GDF1: variants seen among roughly 807,000 people sequenced by gnomAD.
GDF1 encodes the protein embryonic growth/differentiation factor 1.
A neutral mutation model predicts 7.4 loss-of-function variants in GDF1; 8 were observed. That is an observed-to-expected ratio of 1.09 (90% confidence interval 0.64 to 1.96). The LOEUF is 1.96. GDF1 is among the 30% of genes most tolerant of loss of function. GDF1 has a pLI of 0.00. For synonymous variants in GDF1, 311 were observed against 276.7 expected (o/e 1.12, Z -1.23); for missense variants, 574 against 551.5 (o/e 1.04, Z -0.41).
chr19:18,868,761 C>T lies in GDF1; in HGVS notation c.955G>A (p.Val319Met). The T allele has an allele frequency of 6.7e-7, 1 of 1,503,660 alleles. No homozygotes were observed. The highest frequency in any genetic ancestry group is 1.2e-5 in the South Asian group (1 of 81,940). The allele number at this position is 1,503,660 out of a possible 1,614,324, so 93.1% of individuals were successfully genotyped here. The change falls in exon 8 of 8, where the codon GTG (valine) becomes ATG (methionine). Residue 319 changes from valine to methionine, a missense_variant. Transcript: ENST00000247005. ...SGGPPALNHA[V>M]LRALMHAAAP... ...GCCGCGTGCATGAGCGCGCGCAGCA[C>T]AGCGTGGTTGAGCGCCGGCGGCCCC...
At chr19:18,876,339 GTTTGTTTTGGTTTGTCTTTTTTC>G (rs1449907494) in intron 6 of GDF1, among the ~76,000 whole-genome samples, 20 of 151,858 alleles carry the variant, frequency 1.3e-4, no homozygotes, top group African/African-American at 3.9e-4. Flanking sequence ...AAACTTTTTT[GTTTGTTTTGGTTTGTCTTTTTTC>G]TTTGTTTTGA....
At chr19:18,891,038 C>T (rs1002024465) in intron 2 of GDF1, among the ~76,000 whole-genome samples, 2 of 151,480 alleles carry the variant, frequency 1.3e-5, no homozygotes, top group Non-Finnish European at 2.9e-5. Context: ...GCAGGAGAAT[C>T]GCTTGAACCT....
At position 18,878,511 on chromosome 19, in the gene GDF1, T is replaced by C. The variant is rs4808870; in HGVS notation, c.-313+419A>G. The stretch of plus-strand genomic sequence containing the variant: ...CCAGATGGAGCCTGGGTTCTCTCTG[T>C]GGCCCTTGGCGTTCCTTCCTCCCCA... On this transcript the variant is annotated intron_variant, in intron 6 of 7. Transcript: ENST00000247005. This position sits in a 1 kb window ranked among gnomAD's most constrained non-coding sequence, Gnocchi z 4.6. 904,707 of 1,011,886 alleles carry C rather than the reference T, an allele frequency of 0.89. 404,873 individuals are homozygous for C. The highest frequency in any genetic ancestry group is 0.97 in the African/African-American group (56,112 of 57,922). 62.7% of individuals were successfully genotyped at this position (1,011,886 alleles called of 1,614,324 possible).
intron 2 of GDF1, among the ~76,000 whole-genome samples, chr19:18,890,735 C>T (rs946336514): frequency 2.3e-4 from 33 of 145,214 alleles, no homozygotes; most frequent in Admixed American, 4.5e-4. Context: ...GAGCTGTGAT[C>T]GTGCCACTGT....
At position 18,878,110 on chromosome 19, in the gene GDF1, G is replaced by A. The variant is rs1248525174; in HGVS notation, c.-313+820C>T. ...GAGCCACTGCTTCCCTGAAACCATC[G>A]TTCCCACGTCACCGATGGCCCCCAC... On this transcript the variant is annotated intron_variant, in intron 6 of 7. Coordinates refer to ENST00000247005, the MANE Select transcript of GDF1 (RefSeq NM_001492.6). The surrounding 1 kb of genome is among the most constrained non-coding windows in gnomAD (Gnocchi z 4.6). 6.1e-6 allele frequency: 6 copies of A among 985,378 alleles called. No homozygotes were observed. Among genetic ancestry groups the A allele is most frequent in the South Asian group, 4.7e-5 (1 of 21,278 alleles). 61.0% of individuals were successfully genotyped at this position (985,378 alleles called of 1,614,324 possible).
rs1188951005 is a variant in GDF1, at chr19:18,895,016, C to CA, written c.-1074+807dup. 6.6e-6 allele frequency among the ~76,000 whole-genome samples: 1 copy of CA among 152,218 alleles called. No homozygotes were observed. Among genetic ancestry groups the CA allele is most frequent in the Non-Finnish European group, 1.5e-5 (1 of 68,038 alleles). Reference sequence around the variant, plus strand: ...AGTGAGTGGGGTCAGGCGCCAATGTCACCATCATGGTCACTCTCTCGCAGG... The same window carrying CA: ...AGTGAGTGGGGTCAGGCGCCAATGTCAACCATCATGGTCACTCTCTCGCAGG... On this transcript the variant is annotated intron_variant, in intron 1 of 7. Coordinates refer to ENST00000247005, the MANE Select transcript of GDF1 (RefSeq NM_001492.6). The surrounding 1 kb of genome is among the most constrained non-coding windows in gnomAD (Gnocchi z 6.4).
Position 18,868,772 on chromosome 19 carries a change from A to G in GDF1, c.944T>C (p.Leu315Pro). The change falls in exon 8 of 8, where the codon CTC becomes CCC. Residue 315 changes from leucine (L) to proline (P), a missense_variant. By Grantham distance (98) the Leu-to-Pro change is moderately conservative. Transcript: ENST00000247005. ...ALSGSGGPPALNHAVLRALMH... is the reference protein window; with the variant it reads ...ALSGSGGPPAPNHAVLRALMH... ...GAGCGCGCGCAGCACAGCGTGGTTG[A>G]GCGCCGGCGGCCCCCCGGACCCCGA... is the stretch of plus-strand genomic sequence containing the variant. 6.8e-7 allele frequency: 1 copy of G among 1,472,838 alleles called. No homozygotes were observed. The allele number at this position is 1,472,838 out of a possible 1,614,324, so 91.2% of individuals were successfully genotyped here. A position where few individuals can be genotyped will look rare whatever the true frequency, so the allele number is the denominator to read the frequency against.
intron 6 of GDF1, among the ~76,000 whole-genome samples, chr19:18,875,236 A>T (rs1196570154): frequency 8.3e-5 from 12 of 144,558 alleles, no homozygotes; most frequent in Admixed American, 7.6e-4. Context: ...ACCGTCTCTA[A>T]AAAAAAAAAA....
intron 6 of GDF1, chr19:18,877,874 A>G: frequency 1.4e-6 from 1 of 739,528 alleles, no homozygotes; most frequent in Non-Finnish European, 1.7e-6. Context: ...CTCTGCCCCA[A>G]TCCCATCTCA....
At chr19:18,891,334 G>A (rs565158643) in intron 2 of GDF1, among the ~76,000 whole-genome samples, 2 of 152,262 alleles carry the variant, frequency 1.3e-5, no homozygotes, top group East Asian at 3.9e-4. Flanking sequence ...CAGCTATCAT[G>A]TGTGTCCCTG....
chr19:18,880,941 T>G (rs1264972180), intron 3 of GDF1, among the ~76,000 whole-genome samples: 2 of 152,154 alleles, frequency 1.3e-5, no homozygotes, highest in Non-Finnish European at 2.9e-5. Flanking sequence ...TCAAGCGATC[T>G]TCTCACCTTG....
chr19:18,883,477 G>A (rs898548676), intron 3 of GDF1: 12 of 152,158 alleles, frequency 7.9e-5, no homozygotes, highest in African/African-American at 2.9e-4. Flanking sequence ...AGGCTGCAGT[G>A]AGCAATGGTC....
chr19:18,884,103 A>G lies in GDF1; in HGVS notation c.-749T>C. On this transcript the variant is annotated 5_prime_UTR_variant, in exon 3 of 8. Transcript: ENST00000247005. Reference sequence around the variant, plus strand: ...TGTCCTTACCGGAAGGCGTAGGAGGAGACGATGAGGATGAGAGTGACCACG... The same window carrying G: ...TGTCCTTACCGGAAGGCGTAGGAGGGGACGATGAGGATGAGAGTGACCACG... 6.2e-7 allele frequency: 1 copy of G among 1,612,714 alleles called. No individual in the cohort carries two copies. The highest frequency in any genetic ancestry group is 8.5e-7 in the Non-Finnish European group (1 of 1,179,392).
intron 2 of GDF1, 82 bp downstream of exon 2, chr19:18,893,334 C>T: frequency 6.9e-7 from 1 of 1,448,190 alleles, no homozygotes; most frequent in East Asian, 2.5e-5. Flanking sequence ...CCTGCTTCTG[C>T]CTCATGAGTA....
chr19:18,883,768 G>A (rs1432206104), intron 3 of GDF1, among the ~76,000 whole-genome samples: 1 of 152,122 alleles, frequency 6.6e-6, no homozygotes, highest in Non-Finnish European at 1.5e-5. Context: ...ACTCCTGGGT[G>A]TGTGACCTGG....
intron 6 of GDF1, chr19:18,877,988 G>A (rs2056093130): frequency 1.0e-6 from 1 of 985,406 alleles, no homozygotes; most frequent in East Asian, 1.1e-4. Context: ...TTCCAAACAG[G>A]GTGGGGGGTC....
chr19:18,873,193 T>G (rs1192637234), intron 6 of GDF1, among the ~76,000 whole-genome samples: 4 of 152,044 alleles, frequency 2.6e-5, no homozygotes, highest in Admixed American at 2.6e-4. Flanking sequence ...AGAGGGAGTC[T>G]GGGGTGAAAT....
In GDF1 at chr19:18,870,203, T is replaced by G. The variant is rs2145989500; in HGVS notation, c.105A>C (p.Pro35=). The change falls in exon 7 of 8, where the codon CCA becomes CCC. Residue 35 remains proline (P), a synonymous_variant. Coordinates refer to ENST00000247005, the MANE Select transcript of GDF1 (RefSeq NM_001492.6). This position sits in a 1 kb window ranked among gnomAD's most constrained non-coding sequence, Gnocchi z 5.1. ...PLTRAPVPPG[P]AAALLQALGL... is the part of the protein sequence containing the mutation. ...CTAGAGCCTGGAGCAGGGCGGCGGC[T>G]GGGCCTGGGGGCACGGGGGCGCGGG... 6.4e-7 allele frequency: 1 copy of G among 1,559,478 alleles called. No individual in the cohort carries two copies. Among genetic ancestry groups the G allele is most frequent in the East Asian group, 2.3e-5 (1 of 43,440 alleles).
chr19:18,870,067 T>C lies in GDF1; in HGVS notation c.241A>G (p.Thr81Ala). The change falls in exon 7 of 8, where the codon ACG becomes GCG. Residue 81 changes from threonine to alanine, a missense_variant. Transcript: ENST00000247005. This position sits in a 1 kb window ranked among gnomAD's most constrained non-coding sequence, Gnocchi z 5.1. ...GGTTGCAGGGTGACCCCTGGGGACGTCCGCCGCGAGCCAGACCTGGTCTCC... is the reference window on the plus strand; with the variant it reads ...GGTTGCAGGGTGACCCCTGGGGACGCCCGCCGCGAGCCAGACCTGGTCTCC... ...PQETRSGSRRTSPGVTLQPCH... is the reference protein window; with the variant it reads ...PQETRSGSRRASPGVTLQPCH... 6.3e-7 allele frequency: 1 copy of C among 1,583,336 alleles called. No homozygotes were observed. The highest frequency in any genetic ancestry group is 8.5e-7 in the Non-Finnish European group (1 of 1,169,968).
Sources: gnomAD v4.1 joint callset for allele counts (sites outside exome capture counted in the v4.1 genomes callset) on GRCh38, gnomAD v4.1.1 for gene constraint, Gnocchi (gnomAD v3.1) non-coding constraint, MANE v1.5 for transcripts, NCBI Gene and HGNC (gene_info 2026-07-23, HGNC 2026-07-21) for gene names.